Variants in DGKB observed in about 807,000 individuals in gnomAD.
DGKB encodes diacylglycerol kinase beta.
DGKB carries 67 observed loss-of-function variants against 114.3 expected under a neutral mutation model. The observed-to-expected ratio is 0.59, with a 90% confidence interval of 0.48 to 0.72. The LOEUF is 0.72. Ranked by LOEUF, DGKB falls within the 30% of genes least tolerant of loss-of-function variation. The probability of loss-of-function intolerance (pLI) is 0.00; values close to 1 mark genes in which losing one functional copy is unlikely to be tolerated. For synonymous variants in DGKB, 398 were observed against 323.1 expected, an observed-to-expected ratio of 1.23 and a Z score of -2.49; for missense variants, 907 against 975.2, an observed-to-expected ratio of 0.93 and a Z score of 0.93.
At chr7:14,336,113 G>A (rs572328027) in intron 23 of DGKB, among the ~76,000 whole-genome samples, 6 of 152,146 alleles carry the variant, frequency 3.9e-5, no homozygotes, top group Non-Finnish European at 8.8e-5. Context: ...TTAGGAAAGG[G>A]ATAAATGTAA....
intron 8 of DGKB, among the ~76,000 whole-genome samples, chr7:14,697,364 T>A (rs1009866686): frequency 1.3e-5 from 2 of 152,130 alleles, no homozygotes; most frequent in Non-Finnish European, 2.9e-5. Context: ...ATATAACATA[T>A]ACACAAGGTA....
chr7:14,645,562 A>T (rs1812793885), intron 13 of DGKB, among the ~76,000 whole-genome samples: 1 of 152,100 alleles, frequency 6.6e-6, no homozygotes, highest in Non-Finnish European at 1.5e-5. Flanking sequence ...CATTATAGTC[A>T]AACAGTCAAC....
intron 1 of DGKB, among the ~76,000 whole-genome samples, chr7:14,853,539 G>A (rs1247770128): frequency 6.6e-6 from 1 of 151,736 alleles, no homozygotes; most frequent in East Asian, 1.9e-4. Flanking sequence ...TTTTAGAAGT[G>A]AGTTTAAAAC....
intron 6 of DGKB, among the ~76,000 whole-genome samples, chr7:14,708,860 C>T (rs1194936283): frequency 2.0e-5 from 3 of 150,110 alleles, no homozygotes; most frequent in Non-Finnish European, 2.9e-5. Flanking sequence ...ACCATAAAAA[C>T]CCTAAAAGAA....
chr7:14,856,035 C>G (rs1850106280), intron 1 of DGKB, among the ~76,000 whole-genome samples: 1 of 148,284 alleles, frequency 6.7e-6, no homozygotes, highest in Middle Eastern at 3.2e-3. Context: ...TTAACATACT[C>G]CTAAACCTCT....
At chr7:14,734,654 AT>A (rs1257337314) in intron 5 of DGKB, among the ~76,000 whole-genome samples, 1 of 151,936 alleles carries the variant, frequency 6.6e-6, no homozygotes, top group Non-Finnish European at 1.5e-5. Context: ...CCTTCTTACT[AT>A]TTTTTGTTTG....
At chr7:14,483,476 C>T (rs1396808796) in intron 20 of DGKB, among the ~76,000 whole-genome samples, 2 of 152,020 alleles carry the variant, frequency 1.3e-5, no homozygotes, top group African/African-American at 4.8e-5. Context: ...AAGTTGATGA[C>T]GTAAAGGACT....
intron 13 of DGKB, among the ~76,000 whole-genome samples, chr7:14,647,733 C>CG (rs1813367809): frequency 6.6e-6 from 1 of 152,148 alleles, no homozygotes; most frequent in South Asian, 2.1e-4. Flanking sequence ...TCTGAGGTAC[C>CG]GGGTTCATCT....
intron 23 of DGKB, among the ~76,000 whole-genome samples, chr7:14,194,772 GT>G (rs1447434398): frequency 1.3e-5 from 2 of 152,104 alleles, no homozygotes; most frequent in East Asian, 3.9e-4. Context: ...AAGCCATCTA[GT>G]TTTTGAAAAC....
intron 23 of DGKB, among the ~76,000 whole-genome samples, chr7:14,283,271 A>G (rs986224321): frequency 4.6e-5 from 7 of 151,376 alleles, no homozygotes; most frequent in Non-Finnish European, 1.0e-4. Flanking sequence ...CAATTGCTTT[A>G]AAGAGAATAA....
rs139195190 is a variant in DGKB, at chr7:14,237,660, G to T, written c.2123-59509C>A. 2.0e-5 allele frequency among the ~76,000 whole-genome samples: 3 copies of T among 151,978 alleles called. No individual in the cohort carries two copies. The East Asian group carries it at 5.8e-4, about 29-fold the overall frequency. ...ATATGAATCAGAAACAGGCCTGAGA[G>T]CAACAAAATAGTTTATGTAGTAGAA... On this transcript the variant is annotated intron_variant, in intron 23 of 25. Coordinates refer to ENST00000402815, the MANE Select transcript of DGKB (RefSeq NM_001350709.2).
chr7:14,964,210 T>C (rs1217160742), intron 1 of DGKB, among the ~76,000 whole-genome samples: 1 of 152,104 alleles, frequency 6.6e-6, no homozygotes, highest in Non-Finnish European at 1.5e-5. Flanking sequence ...TGAAGAGTTA[T>C]AAATATTTAA....
chr7:14,314,256 C>G (rs1806024391), intron 23 of DGKB, among the ~76,000 whole-genome samples: 1 of 152,034 alleles, frequency 6.6e-6, no homozygotes, highest in Admixed American at 6.6e-5. Flanking sequence ...CAGCTCCTCA[C>G]CAGCAACGGA....
intron 1 of DGKB, among the ~76,000 whole-genome samples, chr7:14,915,512 C>A (rs1340497368): frequency 1.3e-5 from 2 of 152,100 alleles, no homozygotes; most frequent in Admixed American, 1.3e-4. Flanking sequence ...TATTTCCAGG[C>A]ATATTATATT....
chr7:14,353,426 C>T (rs1813845830), intron 21 of DGKB, among the ~76,000 whole-genome samples: 1 of 152,118 alleles, frequency 6.6e-6, no homozygotes, highest in Non-Finnish European at 1.5e-5. Flanking sequence ...CTTTGCCCCT[C>T]TTTTCCTATT....
intron 9 of DGKB, among the ~76,000 whole-genome samples, chr7:14,687,239 A>G (rs1211660890): frequency 6.6e-6 from 1 of 152,156 alleles, no homozygotes; most frequent in African/African-American, 2.4e-5. Flanking sequence ...GGCAGCATCC[A>G]TAAAACTGTG....
intron 23 of DGKB, among the ~76,000 whole-genome samples, chr7:14,313,382 G>A (rs7787042): frequency 0.024 from 3,662 of 152,118 alleles, 133 homozygotes; most frequent in African/African-American, 0.083. Context: ...TCACTAGGGA[G>A]CGCCAGACAG....
upstream of DGKB, among the ~76,000 whole-genome samples, chr7:14,906,029 T>C (rs555355711): frequency 6.6e-6 from 1 of 152,270 alleles, no homozygotes; most frequent in East Asian, 1.9e-4. Context: ...ATAATGCCTG[T>C]CCTTAAGATT....
chr7:14,157,337 G>A (rs1783162132), intron 25 of DGKB, among the ~76,000 whole-genome samples: 1 of 149,772 alleles, frequency 6.7e-6, no homozygotes, highest in African/African-American at 2.5e-5. Flanking sequence ...AAAAAGCAAA[G>A]CAATGAAACA....
Sources: allele counts gnomAD v4.1 joint callset (sites outside exome capture counted in the v4.1 genomes callset), GRCh38; gene constraint gnomAD v4.1.1; transcripts MANE v1.5; gene names NCBI Gene and HGNC (gene_info 2026-07-23, HGNC 2026-07-21).